The following RBFOX1 variants were observed in gnomAD, a reference collection of about 807,000 sequenced individuals.
RBFOX1 encodes the protein RNA binding protein fox-1 homolog 1.
RBFOX1 carries 8 observed loss-of-function variants against 57.7 expected under a neutral mutation model. The observed-to-expected ratio is 0.14, with a 90% CI of 0.08 to 0.25. The LOEUF is 0.25. Among genes scored for constraint, RBFOX1 ranks in the 10% least tolerant of loss-of-function variants. The pLI is 1.00. For missense variants in RBFOX1, 611 were observed against 548.5 expected (o/e 1.11, Z -1.14); for synonymous variants, 326 against 222.4 (o/e 1.47, Z -4.15).
chr16:5,963,749 A>G (rs1567197060), intron 4 of RBFOX1, among the ~76,000 whole-genome samples: 1 of 152,224 alleles, frequency 6.6e-6, no homozygotes, highest in Admixed American at 6.5e-5. Context: ...CTATACATAA[A>G]AATCAAGTCA....
At chr16:5,879,698 A>G (rs1312860214) in intron 4 of RBFOX1, among the ~76,000 whole-genome samples, 1 of 152,170 alleles carries the variant, frequency 6.6e-6, no homozygotes, top group African/African-American at 2.4e-5. Flanking sequence ...TTAACCATGA[A>G]ATCTCAATGG....
intron 3 of RBFOX1, among the ~76,000 whole-genome samples, chr16:6,859,130 C>CAT (rs2058472373): frequency 2.4e-5 from 2 of 82,482 alleles, no homozygotes; most frequent in African/African-American, 6.8e-5. Context: ...TATATATATA[C>CAT]ATATATATAC....
At chr16:6,738,317 G>T (rs895848823) in intron 3 of RBFOX1, among the ~76,000 whole-genome samples, 1 of 152,066 alleles carries the variant, frequency 6.6e-6, no homozygotes, top group Non-Finnish European at 1.5e-5. Flanking sequence ...GGGGAACTGA[G>T]ATGAAGCCTG....
At chr16:5,500,006 A>G (rs997561884) in intron 2 of RBFOX1, among the ~76,000 whole-genome samples, 2 of 151,886 alleles carry the variant, frequency 1.3e-5, no homozygotes, top group African/African-American at 2.4e-5. Context: ...CCTTTCTCCC[A>G]TTCTCGCATT....
rs116719508 is a variant in RBFOX1, at chr16:5,338,512, C to A, written c.219+98407C>A. On this transcript the variant is annotated intron_variant, in intron 1 of 2. Coordinates refer to the RBFOX1 transcript ENST00000585867. ...TGAAGACCAGAGATCCTGAAGGTAA[C>A]CTTCTTGACAGATTTCCAGCTTTAT... 3.7e-3 allele frequency among the ~76,000 whole-genome samples: 562 copies of A among 152,298 alleles called. 2 individuals are homozygous for A. The highest frequency in any genetic ancestry group is 0.012 in the African/African-American group (495 of 41,566).
chr16:6,205,809 G>GA (rs1567675644), intron 1 of RBFOX1, among the ~76,000 whole-genome samples: 1 of 145,558 alleles, frequency 6.9e-6, no homozygotes, highest in African/African-American at 2.5e-5. Context: ...AAGACTTTAA[G>GA]TACATTCACA....
chr16:7,410,768 A>T (rs920413035), intron 4 of RBFOX1, among the ~76,000 whole-genome samples: 1 of 151,978 alleles, frequency 6.6e-6, no homozygotes, highest in African/African-American at 2.4e-5. Flanking sequence ...TTTTAGACTG[A>T]TGCTCCTAAT....
At chr16:7,017,795 C>T (rs1045398600) in intron 3 of RBFOX1, among the ~76,000 whole-genome samples, 1 of 152,168 alleles carries the variant, frequency 6.6e-6, no homozygotes, top group African/African-American at 2.4e-5. Context: ...AAAAGAACAT[C>T]GTGGTGTGCT....
At chr16:6,648,197 C>A (rs1368306040) in intron 2 of RBFOX1, among the ~76,000 whole-genome samples, 1 of 151,984 alleles carries the variant, frequency 6.6e-6, no homozygotes, top group Non-Finnish European at 1.5e-5. Flanking sequence ...AGGTGCATAC[C>A]ACCCCACCTA....
At chr16:5,942,300 G>C (rs987578301) in intron 4 of RBFOX1, among the ~76,000 whole-genome samples, 1 of 152,096 alleles carries the variant, frequency 6.6e-6, no homozygotes, top group Non-Finnish European at 1.5e-5. Flanking sequence ...GCTGCTTATT[G>C]GTTAGGAAAT....
Position 6,450,839 on chromosome 16 carries a change from G to GTATATATA in RBFOX1, c.-64+133810_-64+133817dup, listed in dbSNP as rs1202016714. Among the ~76,000 whole-genome samples the GTATATATA allele has an allele frequency of 2.6e-3, 36 of 13,600 alleles. 1 individual carries two copies. The highest frequency in any genetic ancestry group is 6.9e-3 in the African/African-American group (20 of 2,894). The allele number at this position is 13,600 out of a possible 152,430, so 8.9% of individuals were successfully genotyped here. On this transcript the variant is annotated intron_variant, in intron 2 of 15. Transcript: ENST00000550418. ...TATACATATATATATATATATATGT[G>GTATATATA]TATATATATATATATATATATATAT...
At chr16:7,181,579 C>T (rs551054467) in intron 4 of RBFOX1, among the ~76,000 whole-genome samples, 1 of 151,630 alleles carries the variant, frequency 6.6e-6, no homozygotes, top group Non-Finnish European at 1.5e-5. Flanking sequence ...TCCTCTCTTT[C>T]TCGCTTGCTT....
chr16:6,913,902 T>C (rs772701801), intron 3 of RBFOX1, among the ~76,000 whole-genome samples: 1 of 152,200 alleles, frequency 6.6e-6, no homozygotes, highest in Non-Finnish European at 1.5e-5. Context: ...TGTGTAACTT[T>C]TATAAAGCAA....
chr16:5,667,705 G>A (rs1172457757), intron 3 of RBFOX1, among the ~76,000 whole-genome samples: 2 of 152,140 alleles, frequency 1.3e-5, no homozygotes, highest in African/African-American at 2.4e-5. Context: ...TGGTGTTTCT[G>A]CAGGTGAAAC....
intron 2 of RBFOX1, among the ~76,000 whole-genome samples, chr16:5,552,815 C>T (rs2045515595): frequency 7.0e-6 from 1 of 143,482 alleles, no homozygotes; most frequent in Admixed American, 7.2e-5. Context: ...ACCCCCAGGC[C>T]TCGGAGCAGA....
At chr16:6,529,078 C>T (rs1039869966) in intron 2 of RBFOX1, among the ~76,000 whole-genome samples, 4 of 152,128 alleles carry the variant, frequency 2.6e-5, no homozygotes, top group African/African-American at 9.7e-5. Flanking sequence ...TTCTTGTAAA[C>T]CGCCCCCAAA....
At chr16:7,494,349 G>A (rs771870981) in intron 4 of RBFOX1, among the ~76,000 whole-genome samples, 46 of 152,188 alleles carry the variant, frequency 3.0e-4, no homozygotes, top group South Asian at 1.9e-3. Context: ...CCTACCATTG[G>A]CGGCTAGTGT....
chr16:6,513,241 T>C (rs889599716), intron 2 of RBFOX1, among the ~76,000 whole-genome samples: 58 of 152,342 alleles, frequency 3.8e-4, no homozygotes, highest in African/African-American at 1.3e-3. Flanking sequence ...AGTTAGTGAA[T>C]GCTGGGCACT....
rs1412644737 is a variant in RBFOX1 at position 7,587,143 on chromosome 16, T to C, written c.415-104T>C. The C allele has an allele frequency of 4.7e-6, 6 of 1,265,822 alleles. No homozygotes were observed. In the African/African-American group the frequency reaches 6.1e-5, roughly 13 times the overall value. The allele number at this position is 1,265,822 out of a possible 1,614,324, so 78.4% of individuals were successfully genotyped here. A position where few individuals can be genotyped will look rare whatever the true frequency, so the allele number is the denominator to read the frequency against. On this transcript the variant is annotated intron_variant, in intron 6 of 15. Coordinates refer to ENST00000550418, the MANE Select transcript of RBFOX1 (RefSeq NM_018723.4). ...TAAAACATAAAATGTGTATCCTTGG[T>C]ATTAAAAGAGAAAAAAATGGACGTG...
Sources: allele counts gnomAD v4.1 joint callset (sites outside exome capture counted in the v4.1 genomes callset), GRCh38; gene constraint gnomAD v4.1.1; transcripts MANE v1.5; gene names NCBI Gene and HGNC (gene_info 2026-07-23, HGNC 2026-07-21).